The following GFI1 variants were observed in gnomAD, a reference collection of about 807,000 sequenced individuals.
The protein encoded by GFI1 is zinc finger protein Gfi-1.
GFI1 carries 15 observed loss-of-function variants against 39.2 expected under a neutral mutation model. The observed-to-expected ratio is 0.38, with a 90% CI of 0.26 to 0.59. The LOEUF (loss-of-function observed/expected upper bound fraction) is 0.59. Among genes scored for constraint, GFI1 ranks in the 20% least tolerant of loss-of-function variants. The pLI, the probability that GFI1 is intolerant of heterozygous loss-of-function variation, is 0.62. For synonymous variants in GFI1, 239 were observed against 254.3 expected, an observed-to-expected ratio of 0.94 and a Z score of 0.57; for missense variants, 475 against 574.0, an observed-to-expected ratio of 0.83 and a Z score of 1.76.
intron 1 of GFI1, among the ~76,000 whole-genome samples, chr1:92,485,019 G>A (rs937042975): frequency 4.6e-5 from 7 of 152,302 alleles, no homozygotes; most frequent in Non-Finnish European, 1.0e-4. Context: ...CAGCTCAAAC[G>A]AGTCCTACAG....
intron 1 of GFI1, among the ~76,000 whole-genome samples, chr1:92,486,523 GC>G (rs150037086): frequency 1.0e-5 from 1 of 97,950 alleles, no homozygotes; most frequent in African/African-American, 4.0e-5. Flanking sequence ...TCGGTCACCC[GC>G]CCCCCCCACC....
At position 92,473,126 on chromosome 1, in the gene GFI1, A is replaced by G. The variant is rs937247467; in HGVS notation, c.*2903T>C. Among the ~76,000 whole-genome samples, 2 of 151,924 alleles carry G rather than the reference A, an allele frequency of 1.3e-5. No homozygotes were observed. Among genetic ancestry groups the G allele is most frequent in the Non-Finnish European group, 2.9e-5 (2 of 67,988 alleles). On this transcript the variant is annotated 3_prime_UTR_variant, in exon 7 of 7. Coordinates refer to ENST00000294702, the MANE Select transcript of GFI1 (RefSeq NM_005263.5). The stretch of plus-strand genomic sequence containing the variant: ...CTTCAAATTTCACACGGTAACAGGC[A>G]CAGTAATTTGTTTTGATTCTGAACT...
chr1:92,484,096 G>A lies in GFI1; in HGVS notation c.-99-510C>T, dbSNP rs1181688424. 5.5e-6 allele frequency: 1 copy of A among 181,514 alleles called. No individual in the cohort carries two copies. The allele number at this position is 181,514 out of a possible 1,614,324, so 11.2% of individuals were successfully genotyped here. A position where few individuals can be genotyped will look rare whatever the true frequency, so the allele number is the denominator to read the frequency against. On this transcript the variant is annotated intron_variant, in intron 1 of 6. Transcript: ENST00000294702. This position sits in a 1 kb window ranked among gnomAD's most constrained non-coding sequence, Gnocchi z 4.1. ...GACCTCCAAGAGCCAGCTACCAACTGGAGTGAAAGGACCGGGGGGAGGGGG... is the reference window on the plus strand; with the variant it reads ...GACCTCCAAGAGCCAGCTACCAACTAGAGTGAAAGGACCGGGGGGAGGGGG...
intron 6 of GFI1, among the ~76,000 whole-genome samples, chr1:92,476,595 C>G (rs1657991722): frequency 6.6e-6 from 1 of 152,204 alleles, no homozygotes; most frequent in Admixed American, 6.5e-5. Flanking sequence ...GGAAGCTGTC[C>G]TAAAACCGTG....
rs1657940197 is a variant in GFI1, at chr1:92,475,935, GGGAGT to G, written c.*89_*93del. 3 of 1,198,766 alleles carry G rather than the reference GGGAGT, an allele frequency of 2.5e-6. No homozygotes were observed. The highest frequency in any genetic ancestry group is 3.6e-6 in the Non-Finnish European group (3 of 823,966). The allele number at this position is 1,198,766 out of a possible 1,614,324, so 74.3% of individuals were successfully genotyped here. On this transcript the variant is annotated 3_prime_UTR_variant, in exon 7 of 7. Transcript: ENST00000294702. ...GGACCTGGGGTCTGGAAAGTCAGAAGGGAGTGGAGGCAAGCAGGGAGCAGAGTGGT... is the reference window on the plus strand; with the variant it reads ...GGACCTGGGGTCTGGAAAGTCAGAAGGGAGGCAAGCAGGGAGCAGAGTGGT...
rs781472741 is a variant in GFI1 at position 92,474,167 on chromosome 1, C to T, written c.*1862G>A. 2.6e-5 allele frequency among the ~76,000 whole-genome samples: 4 copies of T among 152,230 alleles called. No individual in the cohort carries two copies. The highest frequency in any genetic ancestry group is 2.1e-4 in the South Asian group (1 of 4,830). Reference sequence around the variant, plus strand: ...CAGAACCAGAAATAACCCAGATCCTCATGGGCCTTTAGATTTGTGACTTGC... The same window carrying T: ...CAGAACCAGAAATAACCCAGATCCTTATGGGCCTTTAGATTTGTGACTTGC... On this transcript the variant is annotated 3_prime_UTR_variant, in exon 7 of 7. Coordinates refer to ENST00000294702, the MANE Select transcript of GFI1 (RefSeq NM_005263.5).
chr1:92,478,893 G>T, intron 5 of GFI1, 140 bp from the exon 6 acceptor site: 1 of 1,128,438 alleles, frequency 8.9e-7, no homozygotes, highest in Non-Finnish European at 1.3e-6. Flanking sequence ...TTTTGAGACA[G>T]TCTCCTCTGT....
At chr1:92,478,552 G>A (rs765560374) in intron 6 of GFI1, 36 bp downstream of exon 6, 1 of 1,583,562 alleles carries the variant, frequency 6.3e-7, no homozygotes, top group Non-Finnish European at 8.7e-7. Context: ...TTGGCCTCAG[G>A]GTGTTTCCTA....
rs997008948 is a variant in GFI1, at chr1:92,483,677, G to C, written c.-99-91C>G. The C allele has an allele frequency of 3.1e-5, 20 of 645,092 alleles. No homozygotes were observed. In the African/African-American group the frequency reaches 3.4e-4, roughly 11 times the overall value. 40.0% of individuals were successfully genotyped at this position (645,092 alleles called of 1,614,324 possible). A position where few individuals can be genotyped will look rare whatever the true frequency, so the allele number is the denominator to read the frequency against. On this transcript the variant is annotated intron_variant, in intron 1 of 6. Coordinates refer to ENST00000294702, the MANE Select transcript of GFI1 (RefSeq NM_005263.5). ...CCAGGCGGAGGGAGAGCGCGGGCCA[G>C]GGAGGCGCGCAGAGGGCCCACGGGA... is the stretch of plus-strand genomic sequence containing the variant.
rs74969138 is a variant in GFI1 at position 92,473,788 on chromosome 1, T to C, written c.*2241A>G. On this transcript the variant is annotated 3_prime_UTR_variant, in exon 7 of 7. Transcript: ENST00000294702. ...GATGAAGCAGGAGCTTATTTTCTGT[T>C]TATTCACTTAACATCTCAGTAAATA... Among the ~76,000 whole-genome samples, 1 of 152,338 alleles carries C rather than the reference T, an allele frequency of 6.6e-6. No homozygotes were observed. The highest frequency in any genetic ancestry group is 1.9e-4 in the East Asian group (1 of 5,194).
rs1658416292 is a variant in GFI1 at position 92,484,015 on chromosome 1, G to T, written c.-99-429C>A. 8.5e-6 allele frequency: 2 copies of T among 235,374 alleles called. No homozygotes were observed. Among genetic ancestry groups the T allele is most frequent in the South Asian group, 1.1e-4 (2 of 18,400 alleles). The allele number at this position is 235,374 out of a possible 1,614,324, so 14.6% of individuals were successfully genotyped here. ...GAGGGAGGGCGGGGACACGCGGATC[G>T]GTTTAGGGGCCGGGGATGCCCAGTG... On this transcript the variant is annotated intron_variant, in intron 1 of 6. Transcript: ENST00000294702. This position sits in a 1 kb window ranked among gnomAD's most constrained non-coding sequence, Gnocchi z 4.1.
Position 92,480,530 on chromosome 1 carries a change from G to C in GFI1, c.787-45C>G, listed in dbSNP as rs542012583. 1.9e-6 allele frequency: 3 copies of C among 1,547,112 alleles called. No homozygotes were observed. The highest frequency in any genetic ancestry group is 2.4e-5 in the South Asian group (2 of 83,962). On this transcript the variant is annotated intron_variant, in intron 4 of 6. Transcript: ENST00000294702. The surrounding 1 kb of genome is among the most constrained non-coding windows in gnomAD (Gnocchi z 5.6). ...AGAGAAGGCCGCTGAGAGGGGCCGC[G>C]GGGCGCAGGCGAGGCGCGGGTAGGG...
At chr1:92,478,527 A>T in intron 6 of GFI1, 61 bp downstream of exon 6, 1 of 1,414,164 alleles carries the variant, frequency 7.1e-7, no homozygotes, top group Non-Finnish European at 1.0e-6. Context: ...CAGAAATCAG[A>T]GAAGATGAGT....
At chr1:92,476,247 A>G (rs771212749) in intron 6 of GFI1, 40 bp from the exon 7 acceptor site, 1 of 1,572,170 alleles carries the variant, frequency 6.4e-7, no homozygotes, top group Non-Finnish European at 8.7e-7. Flanking sequence ...GTATGAGTCT[A>G]TGATAAAGCT....
In GFI1 at chr1:92,483,435, G is replaced by A. The variant is rs779119308; in HGVS notation, c.53C>T (p.Pro18Leu). ...GGAATAGTCTGGTCCTGGGGAGCGC[G>A]GCTGGTGGTAGCTGTGAGCCTTCTT... Reference protein sequence around the residue: ...KSKKAHSYHQPRSPGPDYSLR... With the variant: ...KSKKAHSYHQLRSPGPDYSLR... The change falls in exon 2 of 7, where the codon CCG (proline) becomes CTG (leucine). Residue 18 changes from proline (P) to leucine (L), a missense_variant. Around this residue, in one of 4 missense-constraint regions of GFI1, gnomAD observed 275 missense variants for 275.8 expected, o/e 1.00. Transcript: ENST00000294702. 3 of 1,613,658 alleles carry A rather than the reference G, an allele frequency of 1.9e-6. No homozygotes were observed. Among genetic ancestry groups the A allele is most frequent in the Non-Finnish European group, 2.5e-6 (3 of 1,179,614 alleles).
chr1:92,477,397 A>G lies in GFI1; in HGVS notation c.1091-1190T>C, dbSNP rs558373528. On this transcript the variant is annotated intron_variant, in intron 6 of 6. Transcript: ENST00000294702. ...AGTAGAATACTTTTCTGGGTTTTCAATGGAAATATATACATTACCCAAGTA... is the reference window on the plus strand; with the variant it reads ...AGTAGAATACTTTTCTGGGTTTTCAGTGGAAATATATACATTACCCAAGTA... Among the ~76,000 whole-genome samples the G allele has an allele frequency of 3.3e-5, 5 of 152,368 alleles. No homozygotes were observed. In the East Asian group the frequency reaches 9.6e-4, roughly 29 times the overall value.
chr1:92,478,769 G>GAGAGAA lies in GFI1; in HGVS notation c.925-17_925-16insTTCTCT. On this transcript the variant is annotated splice_polypyrimidine_tract_variant and intron_variant, in intron 5 of 6. Coordinates refer to ENST00000294702, the MANE Select transcript of GFI1 (RefSeq NM_005263.5). Reference sequence around the variant, plus strand: ...AGCTCCGTTCCTGCAGAGAGAGAGAGAGAGAGAGAGAGAGAGAGAGAGAGA... The same window carrying GAGAGAA: ...AGCTCCGTTCCTGCAGAGAGAGAGAGAGAGAAAGAGAGAGAGAGAGAGAGAGAGAGA... 1 of 1,533,732 alleles carries GAGAGAA rather than the reference G, an allele frequency of 6.5e-7. No individual in the cohort carries two copies.
In GFI1 at chr1:92,480,213, C is replaced by A; in HGVS notation, c.924+135G>T. On this transcript the variant is annotated intron_variant, in intron 5 of 6. Transcript: ENST00000294702. The surrounding 1 kb of genome is among the most constrained non-coding windows in gnomAD (Gnocchi z 5.6). ...ACACCTGCACCAGGGCAAGGGGACG[C>A]AGCGGAGGGCTTGGGGGAGGAAACT... 1.0e-6 allele frequency: 1 copy of A among 982,668 alleles called. No homozygotes were observed. Among genetic ancestry groups the A allele is most frequent in the East Asian group, 2.6e-5 (1 of 38,004 alleles). 60.9% of individuals were successfully genotyped at this position (982,668 alleles called of 1,614,324 possible). A position where few individuals can be genotyped will look rare whatever the true frequency, so the allele number is the denominator to read the frequency against.
Position 92,475,596 on chromosome 1 carries a change from C to G in GFI1, c.*433G>C, listed in dbSNP as rs1235045314. 1 of 216,390 alleles carries G rather than the reference C, an allele frequency of 4.6e-6. No individual in the cohort carries two copies. Among genetic ancestry groups the G allele is most frequent in the Non-Finnish European group, 9.5e-6 (1 of 105,818 alleles). 13.4% of individuals were successfully genotyped at this position (216,390 alleles called of 1,614,324 possible). On this transcript the variant is annotated 3_prime_UTR_variant, in exon 7 of 7. Transcript: ENST00000294702. ...AGATAAAAATATTAGCATTTGTCCA[C>G]CTTGTAAATGGTGATTCCTCCTCTT...
Sources: allele counts gnomAD v4.1 joint callset (sites outside exome capture counted in the v4.1 genomes callset), GRCh38; gene constraint gnomAD v4.1.1; regional missense constraint gnomAD v4.1.1; non-coding constraint Gnocchi (gnomAD v3.1); transcripts MANE v1.5; gene names NCBI Gene and HGNC (gene_info 2026-07-23, HGNC 2026-07-21).